NCAM2: variants seen among roughly 807,000 people sequenced by gnomAD.
NCAM2 encodes N-CAM-2.
In NCAM2, 30 loss-of-function variants were observed where a neutral mutation model predicts 98.1. That is an observed-to-expected ratio of 0.31 (90% confidence interval 0.23 to 0.41). NCAM2 has a LOEUF of 0.41. Among genes scored for constraint, NCAM2 ranks in the 10% least tolerant of loss-of-function variants. NCAM2 has a pLI of 1.00. For synonymous variants in NCAM2, 368 were observed against 342.4 expected (o/e 1.07, Z -0.83); for missense variants, 867 against 1,005.8 (o/e 0.86, Z 1.87).
chr21:21,117,693 G>T (rs1157860214), intron 1 of NCAM2, among the ~76,000 whole-genome samples: 1 of 152,110 alleles, frequency 6.6e-6, no homozygotes, highest in Admixed American at 6.6e-5. Context: ...CTCAGCCTGT[G>T]AAGTCTTATT....
chr21:21,275,288 A>C (rs1356706181), intron 1 of NCAM2, among the ~76,000 whole-genome samples: 1 of 151,706 alleles, frequency 6.6e-6, no homozygotes, highest in African/African-American at 2.4e-5. Context: ...AAAATACAAA[A>C]AATTAGCCGG....
At chr21:21,484,935 TAATTA>T (rs2146289673) in intron 15 of NCAM2, among the ~76,000 whole-genome samples, 1 of 152,282 alleles carries the variant, frequency 6.6e-6, no homozygotes, top group South Asian at 2.1e-4. Flanking sequence ...ATTTTGCAAA[TAATTA>T]AATATCCATG....
intron 1 of NCAM2, among the ~76,000 whole-genome samples, chr21:21,075,960 T>C (rs1244681100): frequency 1.3e-5 from 2 of 151,580 alleles, no homozygotes; most frequent in East Asian, 1.9e-4. Flanking sequence ...CGACTAAAAA[T>C]ACAAAAATTA....
intron 8 of NCAM2, among the ~76,000 whole-genome samples, chr21:21,353,062 A>G (rs2075385412): frequency 6.6e-6 from 1 of 152,010 alleles, no homozygotes; most frequent in South Asian, 2.1e-4. Flanking sequence ...CCATGTTACC[A>G]TGTTGGCCAG....
At chr21:21,060,605 A>C (rs975732680) in intron 1 of NCAM2, among the ~76,000 whole-genome samples, 8 of 152,134 alleles carry the variant, frequency 5.3e-5, no homozygotes, top group African/African-American at 1.9e-4. Flanking sequence ...ATGGAATATA[A>C]ATCTATCACA....
At chr21:21,164,553 CTG>C (rs777505913) in intron 1 of NCAM2, among the ~76,000 whole-genome samples, 1 of 152,090 alleles carries the variant, frequency 6.6e-6, no homozygotes, top group Non-Finnish European at 1.5e-5. Context: ...GAGTCAAAAT[CTG>C]TGTTTTCACA....
intron 4 of NCAM2, among the ~76,000 whole-genome samples, chr21:21,288,534 A>G (rs1478465060): frequency 6.6e-6 from 1 of 151,898 alleles, no homozygotes; most frequent in East Asian, 1.9e-4. Flanking sequence ...ATAAAATCAT[A>G]TTTTTAACTA....
intron 12 of NCAM2, among the ~76,000 whole-genome samples, chr21:21,454,444 G>A (rs941422943): frequency 5.3e-5 from 8 of 151,908 alleles, no homozygotes; most frequent in East Asian, 1.9e-4. Context: ...TAATTTTAAG[G>A]TGTTAACATC....
At chr21:21,458,504 C>T (rs1982485029) in intron 12 of NCAM2, among the ~76,000 whole-genome samples, 1 of 152,130 alleles carries the variant, frequency 6.6e-6, no homozygotes, top group Non-Finnish European at 1.5e-5. Flanking sequence ...GGGAGTGGAG[C>T]CTTCTTAGCC....
chr21:21,497,379 C>A (rs917872560), intron 15 of NCAM2, among the ~76,000 whole-genome samples: 1 of 152,132 alleles, frequency 6.6e-6, no homozygotes, highest in Non-Finnish European at 1.5e-5. Context: ...TACAGTTTTA[C>A]AATTATAAAT....
chr21:21,429,214 A>G (rs1017811956), intron 11 of NCAM2, among the ~76,000 whole-genome samples: 4 of 152,218 alleles, frequency 2.6e-5, no homozygotes, highest in Non-Finnish European at 5.9e-5. Flanking sequence ...GCACTGGCCC[A>G]TGTTTTGATG....
intron 5 of NCAM2, among the ~76,000 whole-genome samples, chr21:21,315,015 A>G (rs988892611): frequency 2.6e-5 from 4 of 152,158 alleles, no homozygotes; most frequent in Admixed American, 6.6e-5. Flanking sequence ...AGGACTTTGA[A>G]TATTACATAA....
intron 1 of NCAM2, among the ~76,000 whole-genome samples, chr21:21,249,609 CTT>C (rs2147279987): frequency 6.6e-6 from 1 of 152,250 alleles, no homozygotes; most frequent in Non-Finnish European, 1.5e-5. Flanking sequence ...AATGACCTGC[CTT>C]ACAATAAATG....
At chr21:21,130,815 A>T (rs572086365) in intron 1 of NCAM2, among the ~76,000 whole-genome samples, 3 of 152,172 alleles carry the variant, frequency 2.0e-5, no homozygotes, top group Non-Finnish European at 4.4e-5. Context: ...TGAATATTTA[A>T]AATGGCAAAA....
intron 1 of NCAM2, among the ~76,000 whole-genome samples, chr21:21,204,592 C>T (rs1034386305): frequency 6.6e-6 from 1 of 152,100 alleles, no homozygotes; most frequent in African/African-American, 2.4e-5. Flanking sequence ...GACAAGGTGT[C>T]ATCTAACCTT....
At chr21:21,477,702 G>A (rs1164651595) in intron 15 of NCAM2, among the ~76,000 whole-genome samples, 1 of 152,100 alleles carries the variant, frequency 6.6e-6, no homozygotes, top group Non-Finnish European at 1.5e-5. Context: ...GGTGGAGAAA[G>A]AATGACTAGG....
At chr21:21,374,107 AC>A in intron 9 of NCAM2, 94 bp downstream of exon 9, 4 of 1,151,274 alleles carry the variant, frequency 3.5e-6, no homozygotes, top group Non-Finnish European at 4.9e-6. Flanking sequence ...TATGTAGTTC[AC>A]ATTTCAGTAC....
chr21:21,238,734 A>G (rs1171316454), intron 1 of NCAM2, among the ~76,000 whole-genome samples: 2 of 152,180 alleles, frequency 1.3e-5, no homozygotes. Flanking sequence ...GGTAATAAAT[A>G]TTAGGGCGAT....
chr21:21,369,792 C>G (rs904677580), intron 8 of NCAM2, among the ~76,000 whole-genome samples: 2 of 151,726 alleles, frequency 1.3e-5, no homozygotes, highest in Admixed American at 1.3e-4. Flanking sequence ...TCTTTCATAT[C>G]TTACCCCTTC....
Sources: gnomAD v4.1 joint callset for allele counts (sites outside exome capture counted in the v4.1 genomes callset) on GRCh38, gnomAD v4.1.1 for gene constraint, MANE v1.5 for transcripts, NCBI Gene and HGNC (gene_info 2026-07-23, HGNC 2026-07-21) for gene names.